Variants in HRH1 observed in about 807,000 individuals in gnomAD.
HRH1 encodes the protein histamine H1 receptor.
Under a neutral mutation model 10.3 loss-of-function variants are expected in HRH1, and 6 were observed. The ratio of observed to expected loss-of-function variants is 0.58; its 90% CI spans 0.32 to 1.15. The LOEUF is 1.15. HRH1 is among the 50% of genes most tolerant of loss of function. The pLI is 0.05. For missense variants in HRH1, 514 were observed against 615.3 expected (o/e 0.84, Z 1.74); for synonymous variants, 242 against 236.7 (o/e 1.02, Z -0.21).
intron 1 of HRH1, among the ~76,000 whole-genome samples, chr3:11,249,010 T>A (rs911299290): frequency 6.6e-6 from 1 of 152,210 alleles, no homozygotes; most frequent in African/African-American, 2.4e-5. Context: ...TGATATCCTG[T>A]TTCAATAGCT....
chr3:11,237,909 C>T (rs1939231235), intron 1 of HRH1, among the ~76,000 whole-genome samples: 1 of 152,026 alleles, frequency 6.6e-6, no homozygotes, highest in Non-Finnish European at 1.5e-5. Context: ...AACTCCTGAC[C>T]TTGTGATCTG....
intron 1 of HRH1, among the ~76,000 whole-genome samples, chr3:11,170,422 A>G (rs1937129777): frequency 1.3e-5 from 2 of 152,194 alleles, no homozygotes; most frequent in Non-Finnish European, 2.9e-5. Context: ...TTGTGCACCT[A>G]CTGTGTGCCA....
At position 11,261,988 on chromosome 3, in the gene HRH1, C is replaced by T. The variant is rs201222880; in HGVS notation, c.*1487C>T. 7 of 167,038 alleles carry T rather than the reference C, an allele frequency of 4.2e-5. No homozygotes were observed. Among genetic ancestry groups the T allele is most frequent in the South Asian group, 2.1e-4 (1 of 4,824 alleles). The allele number at this position is 167,038 out of a possible 1,614,324, so 10.3% of individuals were successfully genotyped here. On this transcript the variant is annotated 3_prime_UTR_variant, in exon 2 of 2. Transcript: ENST00000431010. Reference sequence around the variant, plus strand: ...GTTCCCGTGCACCTACGGAAGGGGACGCTTTGAAGGAACCAAGTGCATTTT... The same window carrying T: ...GTTCCCGTGCACCTACGGAAGGGGATGCTTTGAAGGAACCAAGTGCATTTT...
chr3:11,217,569 G>A (rs1372151104), intron 1 of HRH1, among the ~76,000 whole-genome samples: 2 of 152,104 alleles, frequency 1.3e-5, no homozygotes, highest in Non-Finnish European at 2.9e-5. Flanking sequence ...AGTGCCAGGG[G>A]TTGAGGGAGG....
At chr3:11,240,334 C>T (rs1939299296) in intron 1 of HRH1, among the ~76,000 whole-genome samples, 1 of 152,064 alleles carries the variant, frequency 6.6e-6, no homozygotes, top group Non-Finnish European at 1.5e-5. Context: ...CATTTAAAAA[C>T]TAAAATATTT....
intron 1 of HRH1, among the ~76,000 whole-genome samples, chr3:11,258,772 G>A (rs563471439): frequency 1.6e-4 from 25 of 152,140 alleles, no homozygotes; most frequent in Non-Finnish European, 3.2e-4. Context: ...TGTCTATTTT[G>A]TTCACAGCTA....
chr3:11,223,485 C>T (rs1212313180), intron 1 of HRH1, among the ~76,000 whole-genome samples: 5 of 127,626 alleles, frequency 3.9e-5, no homozygotes, highest in East Asian at 2.5e-4. Flanking sequence ...GGCGACAGAG[C>T]GAGACTCCAT....
intron 1 of HRH1, among the ~76,000 whole-genome samples, chr3:11,237,873 T>C (rs1939230193): frequency 6.6e-6 from 1 of 152,026 alleles, no homozygotes; most frequent in African/African-American, 2.4e-5. Flanking sequence ...AGACGGAGTT[T>C]CACCATATTG....
Position 11,215,128 on chromosome 3 carries a change from A to C in HRH1, c.-35-43875A>C, listed in dbSNP as rs147586892. ...GCACTCTAGGTGATAACTCAGAAAG[A>C]TAGTTCCCCTCCAAGAGGTGGTGTC... On this transcript the variant is annotated intron_variant, in intron 1 of 1. Coordinates refer to ENST00000431010, the MANE Select transcript of HRH1 (RefSeq NM_001098212.2). 3.9e-3 allele frequency among the ~76,000 whole-genome samples: 599 copies of C among 152,312 alleles called. 7 individuals carry two copies. Among genetic ancestry groups the C allele is most frequent in the African/African-American group, 0.013 (560 of 41,582 alleles).
Sources: allele counts gnomAD v4.1 joint callset (sites outside exome capture counted in the v4.1 genomes callset), GRCh38; gene constraint gnomAD v4.1.1; transcripts MANE v1.5; gene names NCBI Gene and HGNC (gene_info 2026-07-23, HGNC 2026-07-21).